STT3A: variants seen among roughly 807,000 people sequenced by gnomAD.
STT3A encodes the protein dolichyl-diphosphooligosaccharide--protein glycosyltransferase subunit STT3A.
In STT3A, 34 loss-of-function variants were observed where a neutral mutation model predicts 89.2. The ratio of observed to expected loss-of-function variants is 0.38; its 90% CI spans 0.29 to 0.51. The LOEUF is 0.51. STT3A is among the 20% of genes least tolerant of loss of function. STT3A has a pLI of 0.89. For missense variants in STT3A, 555 were observed against 889.5 expected (o/e 0.62, Z 4.78); for synonymous variants, 282 against 310.3 (o/e 0.91, Z 0.96).
chr11:125,606,512 C>T (rs995999896), intron 8 of STT3A, 47 bp downstream of exon 8: 3 of 1,567,894 alleles, frequency 1.9e-6, no homozygotes, highest in South Asian at 2.4e-5. Context: ...TTTTTCTATG[C>T]AGCCCCAACT....
In STT3A at chr11:125,609,582, G is replaced by A. The variant is rs1158839120; in HGVS notation, c.1110G>A (p.Met370Ile). Residue 370 changes from methionine to isoleucine, a missense_variant, in exon 10 of 18, where the codon ATG becomes ATA. Coordinates refer to ENST00000392708, the MANE Select transcript of STT3A (RefSeq NM_152713.5). ...TTGACCTGCAGCTCCTCGTCTTCAT[G>A]TTTCCAGGTATGTGGCCTCGTGTTC... Reference protein sequence around the residue: ...YYFDLQLLVFMFPVGLYYCFS... With the variant: ...YYFDLQLLVFIFPVGLYYCFS... 1 of 1,611,742 alleles carries A rather than the reference G, an allele frequency of 6.2e-7. No individual in the cohort carries two copies.
Position 125,613,999 on chromosome 11 carries a change from C to A in STT3A, c.1555-88C>A. ...TTGATTAGTTAGCCAGGTGTCACTTCTGTCAGACCAAAGATGCCTTCTCTG... is the reference window on the plus strand; with the variant it reads ...TTGATTAGTTAGCCAGGTGTCACTTATGTCAGACCAAAGATGCCTTCTCTG... On this transcript the variant is annotated intron_variant, in intron 13 of 17. Coordinates refer to ENST00000392708, the MANE Select transcript of STT3A (RefSeq NM_152713.5). The surrounding 1 kb of genome is among the most constrained non-coding windows in gnomAD (Gnocchi z 4.2). 1 of 1,169,220 alleles carries A rather than the reference C, an allele frequency of 8.6e-7. No homozygotes were observed. The highest frequency in any genetic ancestry group is 1.3e-6 in the Non-Finnish European group (1 of 792,488). 72.4% of individuals were successfully genotyped at this position (1,169,220 alleles called of 1,614,324 possible).
At chr11:125,606,086 T>G in intron 7 of STT3A, 1 of 508,204 alleles carries the variant, frequency 2.0e-6, no homozygotes, top group Non-Finnish European at 3.4e-6. Context: ...TTTTTTAAAA[T>G]TTATTTTATT....
At chr11:125,606,857 C>T (rs1019420226) in intron 8 of STT3A, among the ~76,000 whole-genome samples, 4 of 152,154 alleles carry the variant, frequency 2.6e-5, no homozygotes, top group Non-Finnish European at 1.5e-5. Context: ...AAAGCACAAA[C>T]CTTTAACCAC....
Position 125,611,863 on chromosome 11 carries a change from A to ATTTTTT in STT3A, c.1209+370_1209+375dup, listed in dbSNP as rs59685125. Among the ~76,000 whole-genome samples, 212 of 56,964 alleles carry ATTTTTT rather than the reference A, an allele frequency of 3.7e-3. 29 individuals carry two copies. Among genetic ancestry groups the ATTTTTT allele is most frequent in the Middle Eastern group, 0.019 (1 of 54 alleles). The allele number at this position is 56,964 out of a possible 152,430, so 37.4% of individuals were successfully genotyped here. A position where few individuals can be genotyped will look rare whatever the true frequency, so the allele number is the denominator to read the frequency against. On this transcript the variant is annotated intron_variant, in intron 11 of 17. Transcript: ENST00000392708. ...CTAGATTGTTAGAGGAGGGATTTGAATTTTTTTTTTTTTTTTTTTTTTTTT... is the reference window on the plus strand; with the variant it reads ...CTAGATTGTTAGAGGAGGGATTTGAATTTTTTTTTTTTTTTTTTTTTTTTTTTTTTT...
rs148577092 is a variant in STT3A at position 125,603,723 on chromosome 11, C to G, written c.418-434C>G. On this transcript the variant is annotated intron_variant, in intron 5 of 17. Transcript: ENST00000392708. Reference sequence around the variant, plus strand: ...CATCTTCAGTTTAGGTAGATTATCACTTAGCTTTCTTGGCTTTTTAACTGA... The same window carrying G: ...CATCTTCAGTTTAGGTAGATTATCAGTTAGCTTTCTTGGCTTTTTAACTGA... Among the ~76,000 whole-genome samples the G allele has an allele frequency of 3.2e-3, 487 of 152,312 alleles. 1 individual carries two copies. Among genetic ancestry groups the G allele is most frequent in the African/African-American group, 0.011 (462 of 41,564 alleles).
chr11:125,594,061 A>G (rs1320656731), intron 1 of STT3A, among the ~76,000 whole-genome samples: 1 of 152,198 alleles, frequency 6.6e-6, no homozygotes, highest in Non-Finnish European at 1.5e-5. Context: ...TAGCTAGAAG[A>G]GTGGATTTTG....
At chr11:125,604,023 A>G (rs773230935) in intron 5 of STT3A, 134 bp from the exon 6 acceptor site, 17 of 875,978 alleles carry the variant, frequency 1.9e-5, no homozygotes, top group Admixed American at 1.4e-4. Flanking sequence ...TAGCATTTCT[A>G]ACATCTCACA....
intron 2 of STT3A, 150 bp downstream of exon 2, chr11:125,596,153 A>G: frequency 1.5e-6 from 1 of 671,664 alleles, no homozygotes; most frequent in South Asian, 1.9e-5. Context: ...ATGAAGGCAA[A>G]ATAAAAGGAA....
At position 125,602,895 on chromosome 11, in the gene STT3A, C is replaced by T; in HGVS notation, c.364C>T (p.Leu122Phe). ...IRNVCVFLAP[L>F]FSSFTTIVTY... ...GAATGTCTGTGTGTTCCTGGCCCCT[C>T]TCTTCTCCTCCTTCACCACCATCGT... Residue 122 changes from leucine (L) to phenylalanine (F), a missense_variant, in exon 5 of 18, where the codon CTC becomes TTC. By Grantham distance (22) the Leu-to-Phe change is conservative. Transcript: ENST00000392708. 6.2e-7 allele frequency: 1 copy of T among 1,614,168 alleles called. No homozygotes were observed. Among genetic ancestry groups the T allele is most frequent in the Non-Finnish European group, 8.5e-7 (1 of 1,180,036 alleles).
chr11:125,613,180 G>A lies in STT3A; in HGVS notation c.1554+3G>A, dbSNP rs755285169. ...GGCTTCGTCATAATACTCCAGAGGT[G>A]AAGATTTGGGAGGGGTGGGAATTGT... On this transcript the variant is annotated splice_donor_region_variant and intron_variant, in intron 13 of 17. Transcript: ENST00000392708. This position sits in a 1 kb window ranked among gnomAD's most constrained non-coding sequence, Gnocchi z 4.2. 6.4e-7 allele frequency: 1 copy of A among 1,564,142 alleles called. No homozygotes were observed. The highest frequency in any genetic ancestry group is 1.1e-5 in the South Asian group (1 of 90,294).
At chr11:125,616,295 A>G (rs951781911) in intron 15 of STT3A, among the ~76,000 whole-genome samples, 5 of 152,200 alleles carry the variant, frequency 3.3e-5, no homozygotes, top group African/African-American at 1.2e-4. Context: ...AATCATCTCT[A>G]GATGATAATA....
chr11:125,591,942 C>T, upstream of STT3A: 1 of 160,548 alleles, frequency 6.2e-6, no homozygotes, highest in South Asian at 1.5e-4. Context: ...TCGTCCCCTT[C>T]TCTGCCCTCA....
At chr11:125,604,336 A>C in intron 6 of STT3A, 89 bp downstream of exon 6, 5 of 1,321,494 alleles carry the variant, frequency 3.8e-6, no homozygotes, top group Non-Finnish European at 4.3e-6. Flanking sequence ...AGCAATAATA[A>C]AAATGGTAAC....
At position 125,621,220 on chromosome 11, in the gene STT3A, A is replaced by G. The variant is rs1204391187; in HGVS notation, c.*410A>G. ...AAATCAGGAAAACTATCAAAGACCAATTCAGATCCTACATTTACAGACAGT... is the reference window on the plus strand; with the variant it reads ...AAATCAGGAAAACTATCAAAGACCAGTTCAGATCCTACATTTACAGACAGT... On this transcript the variant is annotated 3_prime_UTR_variant, in exon 18 of 18. Transcript: ENST00000392708. 1 of 160,912 alleles carries G rather than the reference A, an allele frequency of 6.2e-6. No individual in the cohort carries two copies. The highest frequency in any genetic ancestry group is 1.4e-5 in the Non-Finnish European group (1 of 73,888). 10.0% of individuals were successfully genotyped at this position (160,912 alleles called of 1,614,324 possible).
At chr11:125,594,397 T>C (rs1265493968) in intron 1 of STT3A, among the ~76,000 whole-genome samples, 1 of 151,960 alleles carries the variant, frequency 6.6e-6, no homozygotes, top group East Asian at 1.9e-4. Context: ...CTGGCCAACA[T>C]GGTGAAACCC....
Position 125,608,104 on chromosome 11 carries a change from T to C in STT3A, c.781-5T>C, listed in dbSNP as rs779776005. 10 of 1,599,906 alleles carry C rather than the reference T, an allele frequency of 6.3e-6. No homozygotes were observed. In the South Asian group the frequency reaches 1.0e-4, roughly 16 times the overall value. ...GTATTAACATACATATCCTTTTACC[T>C]ACAGCCTGTCCTTTCATCAGAGCAC... is the stretch of plus-strand genomic sequence containing the variant. On this transcript the variant is annotated splice_polypyrimidine_tract_variant and splice_region_variant and intron_variant, in intron 8 of 17. Transcript: ENST00000392708.
intron 1 of STT3A, among the ~76,000 whole-genome samples, chr11:125,595,233 G>A (rs538496518): frequency 1.3e-5 from 2 of 150,284 alleles, no homozygotes; most frequent in South Asian, 4.2e-4. Context: ...GTGCAGTGGT[G>A]TGATCCTAGC....
At chr11:125,592,824 G>C (rs912884558), upstream of STT3A, 3 of 179,350 alleles carry the variant, frequency 1.7e-5, no homozygotes, top group African/African-American at 7.1e-5. Context: ...ACGGGGGAGC[G>C]GTCCGGGAGG....
Sources: allele counts gnomAD v4.1 joint callset (sites outside exome capture counted in the v4.1 genomes callset), GRCh38; gene constraint gnomAD v4.1.1; non-coding constraint Gnocchi (gnomAD v3.1); transcripts MANE v1.5; gene names NCBI Gene and HGNC (gene_info 2026-07-23, HGNC 2026-07-21).